Variants in HDAC9 observed in about 807,000 individuals in gnomAD.
HDAC9 encodes the protein MEF-2 interacting transcription repressor (MITR) protein.
HDAC9 carries 41 observed loss-of-function variants against 139.4 expected under a neutral mutation model. The ratio of observed to expected loss-of-function variants is 0.29; its 90% CI spans 0.23 to 0.38. HDAC9 has a LOEUF of 0.38. Ranked by LOEUF, HDAC9 falls within the 10% of genes least tolerant of loss-of-function variation. The probability of loss-of-function intolerance (pLI) is 1.00; values close to 1 mark genes in which losing one functional copy is unlikely to be tolerated. For missense variants in HDAC9, 1,147 were observed against 1,297.0 expected, an observed-to-expected ratio of 0.88 and a Z score of 1.78; for synonymous variants, 517 against 476.2, an observed-to-expected ratio of 1.09 and a Z score of -1.12.
chr7:18,732,686 T>TAC lies in HDAC9; in HGVS notation c.1909+4940_1909+4941dup, dbSNP rs200510183. On this transcript the variant is annotated intron_variant, in intron 13 of 25. Transcript: ENST00000686413. Reference sequence around the variant, plus strand: ...ACACGTGTATATGTGTGCGTATGTGTACACACACACACGTGTATGTGTGCG... The same window carrying TAC: ...ACACGTGTATATGTGTGCGTATGTGTACACACACACACACGTGTATGTGTGCG... Among the ~76,000 whole-genome samples the TAC allele has an allele frequency of 2.1e-4, 24 of 114,882 alleles. 6 individuals carry two copies. The highest frequency in any genetic ancestry group is 1.6e-3 in the Admixed American group (19 of 12,038). 75.4% of individuals were successfully genotyped at this position (114,882 alleles called of 152,430 possible).
intron 22 of HDAC9, among the ~76,000 whole-genome samples, chr7:18,920,121 G>A (rs1162543252): frequency 6.6e-6 from 1 of 151,960 alleles, no homozygotes; most frequent in African/African-American, 2.4e-5. Context: ...GATTCTTCCT[G>A]CCCATTAGCA....
At chr7:18,892,070 G>T (rs1800731416) in intron 22 of HDAC9, 1 of 152,084 alleles carries the variant, frequency 6.6e-6, no homozygotes, top group Non-Finnish European at 1.5e-5. Context: ...ATCAAGAAAA[G>T]AATGAAAAAG....
intron 1 of HDAC9, among the ~76,000 whole-genome samples, chr7:18,110,049 C>A (rs886522915): frequency 8.5e-5 from 13 of 152,192 alleles, no homozygotes; most frequent in African/African-American, 2.9e-4. Context: ...ATTCCCCAGA[C>A]AATTCTGAAA....
At chr7:18,566,634 T>G (rs577152970) in intron 2 of HDAC9, among the ~76,000 whole-genome samples, 1 of 152,200 alleles carries the variant, frequency 6.6e-6, no homozygotes, top group South Asian at 2.1e-4. Context: ...CCAGGATCCA[T>G]AGACGTGGAC....
chr7:18,248,601 A>G (rs1794715158), intron 2 of HDAC9, among the ~76,000 whole-genome samples: 1 of 152,140 alleles, frequency 6.6e-6, no homozygotes, highest in African/African-American at 2.4e-5. Flanking sequence ...ATTTCATTTG[A>G]TCATTGTTTT....
At chr7:18,702,214 T>C (rs1783550131) in intron 12 of HDAC9, among the ~76,000 whole-genome samples, 1 of 152,174 alleles carries the variant, frequency 6.6e-6, no homozygotes, top group African/African-American at 2.4e-5. Context: ...CCAATTTCCC[T>C]GCATCTGCTT....
chr7:18,311,020 A>T (rs1482469464), intron 1 of HDAC9, among the ~76,000 whole-genome samples: 5 of 151,986 alleles, frequency 3.3e-5, no homozygotes, highest in Non-Finnish European at 7.4e-5. Flanking sequence ...TAAGATCTTT[A>T]TGTTAATGTA....
intron 16 of HDAC9, among the ~76,000 whole-genome samples, chr7:18,770,420 C>A (rs918167880): frequency 5.9e-5 from 9 of 152,106 alleles, no homozygotes; most frequent in Non-Finnish European, 8.8e-5. Context: ...CTTCAGTTCT[C>A]ACTCCTCAGG....
At chr7:18,817,749 G>A (rs1322366890) in intron 17 of HDAC9, among the ~76,000 whole-genome samples, 1 of 152,128 alleles carries the variant, frequency 6.6e-6, no homozygotes, top group Non-Finnish European at 1.5e-5. Flanking sequence ...TATTTTTGAC[G>A]GAGAAAAACT....
intron 2 of HDAC9, among the ~76,000 whole-genome samples, chr7:18,264,701 A>T (rs1006142815): frequency 2.0e-5 from 3 of 152,222 alleles, no homozygotes; most frequent in Admixed American, 6.5e-5. Flanking sequence ...ATTCTTGCCT[A>T]TGCATACCTG....
chr7:18,921,965 A>T (rs571526807), intron 22 of HDAC9, among the ~76,000 whole-genome samples: 1 of 151,910 alleles, frequency 6.6e-6, no homozygotes, highest in East Asian at 2.0e-4. Context: ...ATTCTCAGCA[A>T]ACTCTCACAA....
At chr7:18,649,162 A>G (rs1329530929) in intron 11 of HDAC9, among the ~76,000 whole-genome samples, 1 of 152,166 alleles carries the variant, frequency 6.6e-6, no homozygotes, top group Non-Finnish European at 1.5e-5. Context: ...AAGCGTTTGG[A>G]GTAGTTTCTC....
chr7:18,636,177 C>A (rs974738830), intron 8 of HDAC9, among the ~76,000 whole-genome samples: 1 of 152,010 alleles, frequency 6.6e-6, no homozygotes, highest in Non-Finnish European at 1.5e-5. Flanking sequence ...TAGTACCAAC[C>A]AGGGAGGATA....
chr7:18,224,831 G>C (rs895212171), intron 2 of HDAC9, among the ~76,000 whole-genome samples: 2 of 152,046 alleles, frequency 1.3e-5, no homozygotes, highest in Non-Finnish European at 2.9e-5. Flanking sequence ...GGAGGAGAAA[G>C]GATAATAAAG....
In HDAC9 at chr7:18,140,685, A is replaced by G. The variant is rs574829476; in HGVS notation, c.-96-21544A>G. Among the ~76,000 whole-genome samples, 3 of 152,292 alleles carry G rather than the reference A, an allele frequency of 2.0e-5. 1 individual carries two copies. Among genetic ancestry groups the G allele is most frequent in the Admixed American group, 6.5e-5 (1 of 15,290 alleles). On this transcript the variant is annotated intron_variant, in intron 1 of 12. Transcript: ENST00000417496. ...GGTATGCAGTATTTGAAAGAATGAA[A>G]TTAACCTTTTCCTTTCATTATCAAG...
In HDAC9 at chr7:18,804,291, T is replaced by C. The variant is rs1239856665; in HGVS notation, c.2322+10839T>C. On this transcript the variant is annotated intron_variant, in intron 17 of 25. Transcript: ENST00000686413. ...GCAGGTCTTGACATGTTTAAGAAAC[T>C]TCAAGGCCTGAGCGTCTGAAAGTGA... 2.0e-5 allele frequency among the ~76,000 whole-genome samples: 3 copies of C among 152,138 alleles called. No homozygotes were observed. In the South Asian group the frequency reaches 6.2e-4, roughly 32 times the overall value.
rs562150069 is a variant in HDAC9, at chr7:18,097,168, A to G, written c.-97+9955A>G. ...TGGCTAGTGGGCAGCACAGACCCAA[A>G]TGATAAAATGTACTTTCTCAAACTT... On this transcript the variant is annotated intron_variant, in intron 1 of 12. Transcript: ENST00000417496. Among the ~76,000 whole-genome samples, 9 of 152,336 alleles carry G rather than the reference A, an allele frequency of 5.9e-5. No homozygotes were observed. In the South Asian group the frequency reaches 1.9e-3, roughly 32 times the overall value.
chr7:18,132,773 A>G (rs1385290645), intron 1 of HDAC9, among the ~76,000 whole-genome samples: 1 of 152,186 alleles, frequency 6.6e-6, no homozygotes, highest in Non-Finnish European at 1.5e-5. Context: ...AGTAAAATAA[A>G]GAGTTGGGCC....
At chr7:18,946,362 T>C (rs1463670742) in intron 23 of HDAC9, among the ~76,000 whole-genome samples, 1 of 152,064 alleles carries the variant, frequency 6.6e-6, no homozygotes, top group African/African-American at 2.4e-5. Context: ...TGGATTTAGT[T>C]CACCAATTAA....
Sources: gnomAD v4.1 joint callset for allele counts (sites outside exome capture counted in the v4.1 genomes callset) on GRCh38, gnomAD v4.1.1 for gene constraint, MANE v1.5 for transcripts, NCBI Gene and HGNC (gene_info 2026-07-23, HGNC 2026-07-21) for gene names.